WWP1: variants seen among roughly 807,000 people sequenced by gnomAD.
WWP1 encodes the protein WW domain containing E3 ubiquitin protein ligase 1.
A neutral mutation model predicts 130.6 loss-of-function variants in WWP1; 49 were observed. That is an observed-to-expected ratio of 0.38 (90% CI 0.30 to 0.48). WWP1 has a LOEUF of 0.48. WWP1 is among the 20% of genes least tolerant of loss of function. WWP1 has a pLI of 0.99. For missense variants in WWP1, 809 were observed against 1,100.6 expected (o/e 0.74, Z 3.75); for synonymous variants, 332 against 367.8 (o/e 0.90, Z 1.11).
At chr8:86,347,872 A>G (rs371640230) in intron 1 of WWP1, among the ~76,000 whole-genome samples, 3 of 152,208 alleles carry the variant, frequency 2.0e-5, no homozygotes, top group Non-Finnish European at 4.4e-5. Flanking sequence ...CCCTAATTCA[A>G]AGTTTGAAAT....
rs767049925 is a variant in WWP1, at chr8:86,466,935, C to A, written c.*42C>A. On this transcript the variant is annotated 3_prime_UTR_variant, in exon 25 of 25. Transcript: ENST00000517970. ...TGGAGGAGCTCTTGCATTTAAATAC[C>A]CCAGCCAAGAAAAATTGCACAGATA... The A allele has an allele frequency of 6.8e-7, 1 of 1,468,804 alleles. No individual in the cohort carries two copies. The highest frequency in any genetic ancestry group is 9.4e-7 in the Non-Finnish European group (1 of 1,059,592). The allele number at this position is 1,468,804 out of a possible 1,614,324, so 91.0% of individuals were successfully genotyped here.
intron 1 of WWP1, among the ~76,000 whole-genome samples, chr8:86,362,715 A>G (rs913025175): frequency 6.6e-5 from 10 of 152,138 alleles, no homozygotes; most frequent in African/African-American, 2.4e-4. Flanking sequence ...TAGGTATACC[A>G]CTTCAGAAAG....
rs751203429 is a variant in WWP1 at position 86,402,046 on chromosome 8, A to G, written c.567A>G (p.Ile189Met). 5.0e-6 allele frequency: 8 copies of G among 1,607,006 alleles called. No homozygotes were observed. In the South Asian group the frequency reaches 6.7e-5, roughly 13 times the overall value. Reference sequence around the variant, plus strand: ...TGGCTGTTGAAGGCACGAATGGAATAGATAATCATGTACCTACAAGCACTC... The same window carrying G: ...TGGCTGTTGAAGGCACGAATGGAATGGATAATCATGTACCTACAAGCACTC... ...ARLAVEGTNG[I>M]DNHVPTSTLV... Residue 189 changes from isoleucine to methionine, a missense_variant, in exon 8 of 25, where the codon ATA (isoleucine) becomes ATG (methionine). This residue lies in a region of WWP1 where 262 missense variants were observed against 346.0 expected (regional missense o/e 0.76). Coordinates refer to ENST00000517970, the MANE Select transcript of WWP1 (RefSeq NM_007013.4).
At chr8:86,459,566 G>A (rs1811649867) in intron 22 of WWP1, among the ~76,000 whole-genome samples, 2 of 152,124 alleles carry the variant, frequency 1.3e-5, no homozygotes, top group Non-Finnish European at 2.9e-5. Context: ...GGAGGCAAAG[G>A]TAGGAAAGCT....
chr8:86,383,510 G>A (rs1825105695), intron 5 of WWP1, among the ~76,000 whole-genome samples: 1 of 152,226 alleles, frequency 6.6e-6, no homozygotes, highest in Admixed American at 6.5e-5. Context: ...GGGAGGCTGA[G>A]GCAGGCGGAT....
At chr8:86,448,927 G>T (rs974800366) in intron 20 of WWP1, among the ~76,000 whole-genome samples, 1 of 152,042 alleles carries the variant, frequency 6.6e-6, no homozygotes, top group African/African-American at 2.4e-5. Flanking sequence ...TTGACCTCCT[G>T]TGCTCAAGCA....
At chr8:86,354,857 G>T (rs1823164640) in intron 1 of WWP1, among the ~76,000 whole-genome samples, 1 of 151,968 alleles carries the variant, frequency 6.6e-6, no homozygotes, top group Non-Finnish European at 1.5e-5. Flanking sequence ...GTGGGATGGG[G>T]TTAGGAAATT....
intron 3 of WWP1, 136 bp downstream of exon 3, chr8:86,374,256 A>C: frequency 1.6e-6 from 1 of 630,646 alleles, no homozygotes; most frequent in Non-Finnish European, 2.6e-6. Context: ...CAAGCCTCAA[A>C]GGTAGATGCC....
chr8:86,377,252 A>ATTTTT (rs35139758), intron 3 of WWP1, among the ~76,000 whole-genome samples: 3 of 138,884 alleles, frequency 2.2e-5, no homozygotes, highest in Non-Finnish European at 1.6e-5. Flanking sequence ...TTCCTGTCTA[A>ATTTTT]TTTTTTTTTT....
chr8:86,379,655 G>A (rs1824868858), intron 3 of WWP1, among the ~76,000 whole-genome samples: 1 of 152,008 alleles, frequency 6.6e-6, no homozygotes, highest in Non-Finnish European at 1.5e-5. Flanking sequence ...TTTCTGGAAG[G>A]GGTTATGATT....
chr8:86,453,741 TAGTATCC>T (rs1487930760), intron 21 of WWP1, among the ~76,000 whole-genome samples: 2 of 152,180 alleles, frequency 1.3e-5, no homozygotes, highest in Non-Finnish European at 2.9e-5. Flanking sequence ...GTTTTTTTAA[TAGTATCC>T]ACCCTAATGG....
At chr8:86,434,630 C>T (rs991117648) in intron 14 of WWP1, among the ~76,000 whole-genome samples, 4 of 152,144 alleles carry the variant, frequency 2.6e-5, no homozygotes, top group African/African-American at 9.7e-5. Context: ...GACATTTGTA[C>T]TTTACTTATT....
intron 18 of WWP1, 47 bp from the exon 19 acceptor site, chr8:86,448,100 AT>A: frequency 1.3e-6 from 2 of 1,485,782 alleles, no homozygotes; most frequent in Non-Finnish European, 1.8e-6. Flanking sequence ...TCTCTAAGAA[AT>A]TGTTATTTTG....
intron 5 of WWP1, among the ~76,000 whole-genome samples, chr8:86,389,825 G>A (rs558776525): frequency 1.6e-3 from 241 of 151,710 alleles, no homozygotes; most frequent in Middle Eastern, 0.01. Context: ...CGGCTGGCGG[G>A]GTGGGGGCTG....
intron 21 of WWP1, among the ~76,000 whole-genome samples, chr8:86,454,833 A>G (rs371795924): frequency 6.6e-6 from 1 of 152,048 alleles, no homozygotes; most frequent in African/African-American, 2.4e-5. Flanking sequence ...TCTTTTACAT[A>G]TAAGATGACT....
chr8:86,451,010 A>G (rs1811140964), intron 20 of WWP1, among the ~76,000 whole-genome samples: 2 of 151,682 alleles, frequency 1.3e-5, no homozygotes, highest in African/African-American at 2.4e-5. Flanking sequence ...CCAGGAGTTC[A>G]AGACCAGCCT....
At chr8:86,419,678 CAAACACAAATTTCTTTATTGAAGAAT>C (rs1259877984) in intron 9 of WWP1, among the ~76,000 whole-genome samples, 4 of 152,116 alleles carry the variant, frequency 2.6e-5, no homozygotes, top group Non-Finnish European at 5.9e-5. Context: ...AACAAAATAA[CAAACACAAATTTCTTTATTGAAGAAT>C]AAACACAAAT....
chr8:86,416,108 C>G (rs969647714), intron 9 of WWP1, among the ~76,000 whole-genome samples: 5 of 152,144 alleles, frequency 3.3e-5, no homozygotes, highest in Middle Eastern at 3.2e-3. Flanking sequence ...AACTTAATTA[C>G]AAAGAGTTTA....
In WWP1 at chr8:86,431,719, A is replaced by T. The variant is rs1586445319; in HGVS notation, c.1577A>T (p.Asp526Val). 1 of 1,613,942 alleles carries T rather than the reference A, an allele frequency of 6.2e-7. No individual in the cohort carries two copies. The highest frequency in any genetic ancestry group is 8.5e-7 in the Non-Finnish European group (1 of 1,179,898). Residue 526 changes from aspartate to valine, a missense_variant, in exon 14 of 25, where the codon GAT becomes GTT. Asp to Val is a radical substitution (Grantham distance 152). Coordinates refer to ENST00000517970, the MANE Select transcript of WWP1 (RefSeq NM_007013.4). Reference sequence around the variant, plus strand: ...AACACAAGAACAACAACATTCAAAGATCCTCGCAATGGGAAGTCATCTGTG... The same window carrying T: ...AACACAAGAACAACAACATTCAAAGTTCCTCGCAATGGGAAGTCATCTGTG... ...DHNTRTTTFKDPRNGKSSVTK... is the reference protein window; with the variant it reads ...DHNTRTTTFKVPRNGKSSVTK...
Sources: allele counts gnomAD v4.1 joint callset (sites outside exome capture counted in the v4.1 genomes callset), GRCh38; gene constraint gnomAD v4.1.1; regional missense constraint gnomAD v4.1.1; transcripts MANE v1.5; gene names NCBI Gene and HGNC (gene_info 2026-07-23, HGNC 2026-07-21).